Variants in NACC2 observed in about 807,000 individuals in gnomAD.
NACC2 encodes nucleus accumbens-associated protein 2.
Under a neutral mutation model 25.1 loss-of-function variants are expected in NACC2, and 8 were observed. That is an observed-to-expected ratio of 0.32 (90% confidence interval 0.19 to 0.57). The LOEUF (loss-of-function observed/expected upper bound fraction) is 0.57, where lower values mean the gene tolerates loss of function less well. Among genes scored for constraint, NACC2 ranks in the 20% least tolerant of loss-of-function variants. NACC2 has a pLI of 0.89. For missense variants in NACC2, 644 were observed against 650.2 expected (o/e 0.99, Z 0.10); for synonymous variants, 435 against 294.7 (o/e 1.48, Z -4.88).
chr9:136,039,696 C>T (rs1431410331), intron 2 of NACC2, among the ~76,000 whole-genome samples: 3 of 152,004 alleles, frequency 2.0e-5, no homozygotes, highest in Non-Finnish European at 2.9e-5. Context: ...TGATGCAATA[C>T]ACCATATGAA....
intron 2 of NACC2, among the ~76,000 whole-genome samples, chr9:136,030,941 G>A (rs1840463654): frequency 6.6e-6 from 1 of 152,114 alleles, no homozygotes; most frequent in Non-Finnish European, 1.5e-5. Context: ...GATTACAGGA[G>A]TGAACCACCG....
chr9:136,024,405 A>AGT (rs1491537907), intron 2 of NACC2, among the ~76,000 whole-genome samples: 6 of 123,658 alleles, frequency 4.9e-5, no homozygotes, highest in Admixed American at 1.6e-4. Context: ...GTGTGAGGAC[A>AGT]GAGTGTGTGT....
intron 1 of NACC2, among the ~76,000 whole-genome samples, chr9:136,091,090 C>G (rs953755909): frequency 3.3e-5 from 5 of 152,334 alleles, no homozygotes; most frequent in African/African-American, 1.2e-4. Flanking sequence ...CCTGTGGGTC[C>G]CTGCAAACAA....
chr9:136,041,251 G>A lies in NACC2; in HGVS notation c.886+8385C>T, dbSNP rs972968310. Among the ~76,000 whole-genome samples, 10 of 152,082 alleles carry A rather than the reference G, an allele frequency of 6.6e-5. 1 individual carries two copies. The South Asian group carries it at 1.5e-3, about 22-fold the overall frequency. ...AGGCTGGCCAATGTGGTGAAACCTC[G>A]TCTCTACTAAAAATACAAAAAATCA... is the stretch of plus-strand genomic sequence containing the variant. On this transcript the variant is annotated intron_variant, in intron 2 of 5. Coordinates refer to ENST00000277554, the MANE Select transcript of NACC2 (RefSeq NM_144653.5).
intron 1 of NACC2, among the ~76,000 whole-genome samples, chr9:136,091,976 C>T (rs1229803539): frequency 6.6e-6 from 1 of 152,222 alleles, no homozygotes; most frequent in Admixed American, 6.5e-5. Flanking sequence ...AAGGCCCAAA[C>T]AACCTTCCAG....
chr9:136,050,992 C>A (rs1210789039), intron 1 of NACC2, among the ~76,000 whole-genome samples: 2 of 152,212 alleles, frequency 1.3e-5, no homozygotes, highest in Admixed American at 1.3e-4. Flanking sequence ...TTCCAGCCCG[C>A]ACAGGAGCTC....
chr9:136,042,657 CAG>C (rs1840651455), intron 2 of NACC2, among the ~76,000 whole-genome samples: 1 of 151,748 alleles, frequency 6.6e-6, no homozygotes, highest in South Asian at 2.1e-4. Context: ...CACACACACA[CAG>C]AAACACACAC....
intron 3 of NACC2, among the ~76,000 whole-genome samples, chr9:136,015,141 G>A (rs1840181275): frequency 6.6e-6 from 1 of 152,156 alleles, no homozygotes. Flanking sequence ...ATAAACTGAA[G>A]CACGTCTCCA....
At chr9:136,083,009 A>G (rs11793070) in intron 1 of NACC2, among the ~76,000 whole-genome samples, 2 of 151,192 alleles carry the variant, frequency 1.3e-5, no homozygotes, top group East Asian at 2.0e-4. Flanking sequence ...CTTCTGCCCC[A>G]TTAGACATCT....
At chr9:136,021,667 C>T (rs1289823152) in intron 2 of NACC2, among the ~76,000 whole-genome samples, 1 of 152,202 alleles carries the variant, frequency 6.6e-6, no homozygotes, top group Non-Finnish European at 1.5e-5. Context: ...CTTATCCCGT[C>T]TCTACTCTTG....
chr9:136,092,836 G>A (rs1029726954), intron 1 of NACC2, among the ~76,000 whole-genome samples: 6 of 152,168 alleles, frequency 3.9e-5, no homozygotes, highest in African/African-American at 1.4e-4. Flanking sequence ...TGTGGACTCC[G>A]ACCCTCATCC....
chr9:136,062,600 A>G (rs1841028160), intron 1 of NACC2, among the ~76,000 whole-genome samples: 1 of 152,190 alleles, frequency 6.6e-6, no homozygotes, highest in African/African-American at 2.4e-5. Context: ...GTACGTTCAC[A>G]CCAGCCTCAT....
intron 1 of NACC2, among the ~76,000 whole-genome samples, chr9:136,054,343 G>A (rs1840892776): frequency 6.6e-6 from 1 of 152,220 alleles, no homozygotes. Flanking sequence ...GAGGACAACT[G>A]GAGCTTTTGC....
chr9:136,022,175 C>A lies in NACC2; in HGVS notation c.887-5746G>T, dbSNP rs527763610. ...GGGACACTTGTGAACTTGGTGGCAT[C>A]AGGCGCAGAGCAGGTGCACAGGGAC... is the stretch of plus-strand genomic sequence containing the variant. On this transcript the variant is annotated intron_variant, in intron 2 of 5. Coordinates refer to ENST00000277554, the MANE Select transcript of NACC2 (RefSeq NM_144653.5). The surrounding 1 kb of genome is among the most constrained non-coding windows in gnomAD (Gnocchi z 4.4). 3.7e-4 allele frequency among the ~76,000 whole-genome samples: 57 copies of A among 152,334 alleles called. No homozygotes were observed. Among genetic ancestry groups the A allele is most frequent in the Non-Finnish European group, 7.2e-4 (49 of 68,040 alleles).
intron 1 of NACC2, among the ~76,000 whole-genome samples, chr9:136,094,861 G>A (rs1830472314): frequency 6.6e-6 from 1 of 151,544 alleles, no homozygotes; most frequent in African/African-American, 2.4e-5. Flanking sequence ...AAACCCAGCA[G>A]GCGGCGGGGA....
At chr9:136,024,426 AGAGT>A (rs1840353165) in intron 2 of NACC2, among the ~76,000 whole-genome samples, 2 of 130,568 alleles carry the variant, frequency 1.5e-5, no homozygotes, top group South Asian at 5.3e-4. Flanking sequence ...GTGTGAGGAC[AGAGT>A]GTGTGTGTGT....
intron 1 of NACC2, among the ~76,000 whole-genome samples, chr9:136,075,698 C>T (rs544577744): frequency 2.6e-5 from 4 of 152,344 alleles, no homozygotes; most frequent in South Asian, 2.1e-4. Flanking sequence ...GTCTTCCACA[C>T]GCGGGGAGGA....
chr9:136,013,754 C>A lies in NACC2; in HGVS notation c.1157+110G>T, dbSNP rs550949921. 5 of 964,940 alleles carry A rather than the reference C, an allele frequency of 5.2e-6. No individual in the cohort carries two copies. Among genetic ancestry groups the A allele is most frequent in the Non-Finnish European group, 6.1e-6 (4 of 651,528 alleles). The allele number at this position is 964,940 out of a possible 1,614,324, so 59.8% of individuals were successfully genotyped here. ...CCGGCCACGGCTGAAGTCAGGAATG[C>A]GAGAGGGCTTTCAATGCCACAACCC... On this transcript the variant is annotated intron_variant, in intron 4 of 5. Transcript: ENST00000277554. This position sits in a 1 kb window ranked among gnomAD's most constrained non-coding sequence, Gnocchi z 6.6.
chr9:136,023,603 C>A (rs1840331035), intron 2 of NACC2, among the ~76,000 whole-genome samples: 1 of 152,204 alleles, frequency 6.6e-6, no homozygotes, highest in Non-Finnish European at 1.5e-5. Flanking sequence ...GTGGTCCAGG[C>A]CTCCGACAGG....
Sources: gnomAD v4.1 joint callset for allele counts (sites outside exome capture counted in the v4.1 genomes callset) on GRCh38, gnomAD v4.1.1 for gene constraint, Gnocchi (gnomAD v3.1) non-coding constraint, MANE v1.5 for transcripts, NCBI Gene and HGNC (gene_info 2026-07-23, HGNC 2026-07-21) for gene names.